C10orf67: variants seen among roughly 807,000 people sequenced by gnomAD.
C10orf67 encodes the protein uncharacterized protein C10orf67, mitochondrial.
In C10orf67, 60 loss-of-function variants were observed where a neutral mutation model predicts 35.6. The observed-to-expected ratio is 1.68, with a 90% confidence interval of 1.37 to 2.09. The LOEUF (loss-of-function observed/expected upper bound fraction) is 2.09, where lower values mean the gene tolerates loss of function less well. C10orf67 is among the 30% of genes most tolerant of loss of function. C10orf67 has a pLI of 0.00. For missense variants in C10orf67, 474 were observed against 330.2 expected, an observed-to-expected ratio of 1.44 and a Z score of -3.38; for synonymous variants, 167 against 115.8, an observed-to-expected ratio of 1.44 and a Z score of -2.84.
At chr10:23,277,396 T>C (rs888188988) in intron 8 of C10orf67, among the ~76,000 whole-genome samples, 1 of 151,642 alleles carries the variant, frequency 6.6e-6, no homozygotes, top group South Asian at 2.1e-4. Flanking sequence ...CTACAAAAAA[T>C]AGAAAAATTA....
Position 23,267,250 on chromosome 10 carries a change from T to G in C10orf67, c.980A>C (p.Asn327Thr). 1 of 714,942 alleles carries G rather than the reference T, an allele frequency of 1.4e-6. No homozygotes were observed. Among genetic ancestry groups the G allele is most frequent in the Non-Finnish European group, 2.6e-6 (1 of 384,482 alleles). The allele number at this position is 714,942 out of a possible 1,614,324, so 44.3% of individuals were successfully genotyped here. ...CATTTCCTTGTCCTCTTTCTGTTTA[T>G]TAATCTGTAAAATTGAAGACCCATA... ...YEKSLVQDVINKQKEDKEMRK... is the reference protein window; with the variant it reads ...YEKSLVQDVITKQKEDKEMRK... Residue 327 changes from asparagine (N) to threonine (T), a missense_variant, in exon 9 of 16, where the codon AAT (asparagine) becomes ACT (threonine). Physicochemically the swap from Asn to Thr is moderately conservative, Grantham distance 65. Transcript: ENST00000636213.
At chr10:23,324,293 C>G (rs928493997) in intron 2 of C10orf67, among the ~76,000 whole-genome samples, 2 of 152,024 alleles carry the variant, frequency 1.3e-5, no homozygotes, top group Non-Finnish European at 2.9e-5. Context: ...AGATGCTTCT[C>G]TACTCTGAGT....
chr10:23,265,245 G>A (rs1842857222), intron 10 of C10orf67, among the ~76,000 whole-genome samples: 1 of 152,234 alleles, frequency 6.6e-6, no homozygotes, highest in African/African-American at 2.4e-5. Flanking sequence ...GTGGATATGA[G>A]GAGTGGTCCA....
Position 23,344,612 on chromosome 10 carries a change from C to G in C10orf67, c.163G>C (p.Glu55Gln). The G allele has an allele frequency of 6.3e-7, 1 of 1,583,734 alleles. No individual in the cohort carries two copies. Among genetic ancestry groups the G allele is most frequent in the African/African-American group, 1.3e-5 (1 of 74,348 alleles). ...TGCGGGGGCTTGAATTCCCGAGCTT[C>G]TCGCTTCCTACGCGCGCAGCAGACC... ...LRVCCARRKR[E>Q]AREFKPPQMR... Residue 55 changes from glutamate to glutamine, a missense_variant, in exon 1 of 16, where the codon GAA (glutamate) becomes CAA (glutamine). By Grantham distance (29) the Glu-to-Gln change is conservative. Coordinates refer to ENST00000636213, the MANE Select transcript of C10orf67 (RefSeq NM_001371909.1).
At chr10:23,337,603 AG>A (rs1845737454) in intron 1 of C10orf67, among the ~76,000 whole-genome samples, 2 of 152,234 alleles carry the variant, frequency 1.3e-5, no homozygotes, top group Admixed American at 1.3e-4. Flanking sequence ...TTTAGAAAAA[AG>A]TAAATTGTAA....
chr10:23,275,267 T>G (rs1183371781), intron 8 of C10orf67, among the ~76,000 whole-genome samples: 1 of 152,170 alleles, frequency 6.6e-6, no homozygotes, highest in East Asian at 1.9e-4. Context: ...GGAGGATTGC[T>G]TGAGCACAGG....
chr10:23,212,140 G>A (rs1841326003), intron 15 of C10orf67, among the ~76,000 whole-genome samples: 1 of 152,192 alleles, frequency 6.6e-6, no homozygotes, highest in Non-Finnish European at 1.5e-5. Context: ...TAGAGGGAAG[G>A]CAATGTGTAG....
At position 23,322,407 on chromosome 10, in the gene C10orf67, T is replaced by G. The variant is rs771278952; in HGVS notation, c.458A>C (p.Lys153Thr). The G allele has an allele frequency of 6.2e-7, 1 of 1,609,896 alleles. No individual in the cohort carries two copies. Among genetic ancestry groups the G allele is most frequent in the Admixed American group, 1.7e-5 (1 of 59,926 alleles). ...ILHDRILEIE[K>T]HYQQNEDKMR... The stretch of plus-strand genomic sequence containing the variant: ...GAGAACATTTACCTGTTGATAATGC[T>G]TTTCAATTTCTAGGATCCTGTCATG... The change falls in exon 3 of 16, where the codon AAG becomes ACG. Residue 153 changes from lysine (K) to threonine (T), a missense_variant. Coordinates refer to ENST00000636213, the MANE Select transcript of C10orf67 (RefSeq NM_001371909.1).
chr10:23,275,042 G>C (rs1843146281), intron 8 of C10orf67, among the ~76,000 whole-genome samples: 1 of 152,154 alleles, frequency 6.6e-6, no homozygotes, highest in Admixed American at 6.5e-5. Flanking sequence ...TTCCTTGTGT[G>C]CTTCCTTATC....
Position 23,289,955 on chromosome 10 carries a change from T to A in C10orf67, c.854A>T (p.Asp285Val). The stretch of plus-strand genomic sequence containing the variant: ...CATCTCTTTCATACTTATAAGTTCA[T>A]CTTCTGTAAACAAAAGGAGAGAGAG... ...INLKENSGLE[D>V]ELISMKEMAE... The change falls in exon 7 of 16, where the codon GAT (aspartate) becomes GTT (valine). Residue 285 changes from aspartate to valine, a missense_variant. Transcript: ENST00000636213. 1 of 717,110 alleles carries A rather than the reference T, an allele frequency of 1.4e-6. No individual in the cohort carries two copies. The highest frequency in any genetic ancestry group is 1.7e-5 in the African/African-American group (1 of 57,394). The allele number at this position is 717,110 out of a possible 1,614,324, so 44.4% of individuals were successfully genotyped here.
chr10:23,337,350 A>G (rs1845727786), intron 1 of C10orf67, among the ~76,000 whole-genome samples: 1 of 152,168 alleles, frequency 6.6e-6, no homozygotes, highest in African/African-American at 2.4e-5. Context: ...CCTGGCCAAC[A>G]TGGCGAGACC....
chr10:23,324,233 G>T (rs556033165), intron 2 of C10orf67, among the ~76,000 whole-genome samples: 1 of 151,918 alleles, frequency 6.6e-6, no homozygotes, highest in South Asian at 2.1e-4. Flanking sequence ...ATTCTCTAGA[G>T]ATTCTGATTG....
intron 10 of C10orf67, among the ~76,000 whole-genome samples, chr10:23,257,830 T>C (rs183430559): frequency 6.6e-6 from 1 of 151,606 alleles, no homozygotes; most frequent in Non-Finnish European, 1.5e-5. Context: ...GACTGTGGTC[T>C]AGTAGAGGTA....
At chr10:23,308,873 G>A (rs890372466) in intron 4 of C10orf67, among the ~76,000 whole-genome samples, 6 of 152,144 alleles carry the variant, frequency 3.9e-5, no homozygotes, top group Non-Finnish European at 5.9e-5. Context: ...ATTTAGTCCT[G>A]TTGTGGCTAT....
chr10:23,331,263 A>C lies in C10orf67; in HGVS notation c.327+1799T>G, dbSNP rs1270048797. 3.6e-3 allele frequency among the ~76,000 whole-genome samples: 15 copies of C among 4,150 alleles called. 5 individuals are homozygous for C. The highest frequency in any genetic ancestry group is 0.025 in the East Asian group (1 of 40). The allele number at this position is 4,150 out of a possible 152,430, so 2.7% of individuals were successfully genotyped here. On this transcript the variant is annotated intron_variant, in intron 2 of 15. Coordinates refer to ENST00000636213, the MANE Select transcript of C10orf67 (RefSeq NM_001371909.1). ...GGAAGGGAAGGGAAGAGGGAAGGGA[A>C]GGGAAGAGGGAAGGGAAGGGAAGGG...
chr10:23,280,345 T>A (rs1057348340), intron 8 of C10orf67, among the ~76,000 whole-genome samples: 1 of 152,170 alleles, frequency 6.6e-6, no homozygotes, highest in African/African-American at 2.4e-5. Flanking sequence ...CCACTCTCCC[T>A]TGTCAGTGCA....
chr10:23,298,825 T>C (rs924802012), intron 5 of C10orf67, among the ~76,000 whole-genome samples: 1 of 152,224 alleles, frequency 6.6e-6, no homozygotes, highest in African/African-American at 2.4e-5. Context: ...ACAAGGTTTC[T>C]GAATGGGCGG....
intron 4 of C10orf67, among the ~76,000 whole-genome samples, chr10:23,312,725 A>G (rs980261296): frequency 3.3e-5 from 5 of 152,144 alleles, no homozygotes; most frequent in Non-Finnish European, 7.3e-5. Flanking sequence ...AGGCCATGGT[A>G]CTCTTTTTCA....
At chr10:23,260,395 T>G (rs1457931338) in intron 10 of C10orf67, among the ~76,000 whole-genome samples, 3 of 96,156 alleles carry the variant, frequency 3.1e-5, no homozygotes, top group Non-Finnish European at 6.7e-5. Context: ...AGAGGGTATA[T>G]GACACCAGAT....
Sources: allele counts gnomAD v4.1 joint callset (sites outside exome capture counted in the v4.1 genomes callset), GRCh38; gene constraint gnomAD v4.1.1; transcripts MANE v1.5; gene names NCBI Gene and HGNC (gene_info 2026-07-23, HGNC 2026-07-21).